The following STAG2 variants were observed in gnomAD, a reference collection of about 807,000 sequenced individuals.
The protein encoded by STAG2 is STAG2 cohesin complex component.
Under a neutral mutation model 108.1 loss-of-function variants are expected in STAG2, and 14 were observed. The ratio of observed to expected loss-of-function variants is 0.13; its 90% CI spans 0.09 to 0.20. STAG2 has a LOEUF of 0.20. Among genes scored for constraint, STAG2 ranks in the 10% least tolerant of loss-of-function variants. STAG2 has a pLI of 1.00. For synonymous variants in STAG2, 307 were observed against 302.7 expected (o/e 1.01, Z -0.15); for missense variants, 440 against 940.9 (o/e 0.47, Z 6.96).
intron 26 of STAG2, 74 bp from the exon 27 acceptor site, chrX:124,077,883 A>T: frequency 2.9e-6 from 2 of 680,918 alleles, no homozygotes; most frequent in Non-Finnish European, 4.3e-6. Context: ...TGTTTACATG[A>T]CTAACCTAAA....
In STAG2 at chrX:124,055,509, C is replaced by T. The variant is rs142841270; in HGVS notation, c.1197-619C>T. The stretch of plus-strand genomic sequence containing the variant: ...ATGGGCCTTAATGATGATGATTTAT[C>T]GAAAATATTTTGTTAGGCTTATTTT... On this transcript the variant is annotated intron_variant, in intron 13 of 34. Transcript: ENST00000371145. 7.7e-3 allele frequency among the ~76,000 whole-genome samples: 863 copies of T among 112,109 alleles called. 4 individuals carry two copies. The highest frequency in any genetic ancestry group is 9.4e-3 in the Non-Finnish European group (497 of 53,146).
chrX:124,050,867 AGATTTGTTCT>A (rs2058018917), intron 11 of STAG2, among the ~76,000 whole-genome samples: 1 of 111,829 alleles, frequency 8.9e-6, no homozygotes, highest in Admixed American at 9.6e-5. Flanking sequence ...TTTTCACAAT[AGATTTGTTCT>A]GAACAAATTT....
chrX:124,055,661 T>C (rs2058173780), intron 13 of STAG2, among the ~76,000 whole-genome samples: 1 of 99,830 alleles, frequency 1.0e-5, no homozygotes, highest in African/African-American at 3.8e-5. Flanking sequence ...TGCATTGCCT[T>C]ACATGGTGTT....
chrX:124,066,571 T>C, intron 23 of STAG2, 135 bp downstream of exon 23: 1 of 451,933 alleles, frequency 2.2e-6, no homozygotes, highest in East Asian at 3.8e-5. Context: ...TGTAGTTTGA[T>C]GTATATTCAG....
At chrX:124,067,002 C>T (rs1469568708) in intron 23 of STAG2, among the ~76,000 whole-genome samples, 1 of 111,359 alleles carries the variant, frequency 9.0e-6, no homozygotes, top group African/African-American at 3.3e-5. Context: ...AAACATTGTA[C>T]TTGTAGTGCT....
intron 15 of STAG2, among the ~76,000 whole-genome samples, chrX:124,060,585 A>G (rs1172148126): frequency 4.5e-5 from 5 of 112,308 alleles, no homozygotes; most frequent in Non-Finnish European, 1.9e-5. Flanking sequence ...TGACTAATAC[A>G]TTAGGTCCAA....
intron 5 of STAG2, among the ~76,000 whole-genome samples, chrX:124,035,777 G>A (rs1004834170): frequency 8.9e-6 from 1 of 112,133 alleles, no homozygotes; most frequent in Non-Finnish European, 1.9e-5. Flanking sequence ...GCTTCTTACA[G>A]TATGGCGTCT....
chrX:124,083,670 A>G (rs920455672), intron 29 of STAG2, 121 bp downstream of exon 29: 1 of 527,844 alleles, frequency 1.9e-6, no homozygotes, highest in Non-Finnish European at 2.8e-6. Context: ...AATACACAAA[A>G]AAGTTTATAC....
intron 24 of STAG2, among the ~76,000 whole-genome samples, chrX:124,070,576 A>T (rs1033063503): frequency 3.6e-5 from 4 of 112,304 alleles, no homozygotes; most frequent in African/African-American, 1.3e-4. Flanking sequence ...GTTCAGGTTT[A>T]CCTGATAAAT....
At chrX:123,986,325 C>T in intron 1 of STAG2, among the ~76,000 whole-genome samples, 1 of 110,163 alleles carries the variant, frequency 9.1e-6, no homozygotes, top group Non-Finnish European at 1.9e-5. Context: ...TTCCTTAGAT[C>T]AGTCCTGTGA....
intron 1 of STAG2, among the ~76,000 whole-genome samples, chrX:124,016,581 A>G (rs2056738273): frequency 8.9e-6 from 1 of 111,898 alleles, no homozygotes; most frequent in Admixed American, 9.5e-5. Context: ...AGAAGCTTTA[A>G]AAATCCTATT....
At chrX:123,967,863 C>T (rs991448139) in intron 1 of STAG2, among the ~76,000 whole-genome samples, 2 of 109,514 alleles carry the variant, frequency 1.8e-5, no homozygotes, top group Admixed American at 9.8e-5. Flanking sequence ...AAATAGTACA[C>T]CTCTATAGGG....
At chrX:124,078,642 T>G (rs1465551187) in intron 27 of STAG2, among the ~76,000 whole-genome samples, 1 of 111,336 alleles carries the variant, frequency 9.0e-6, no homozygotes, top group African/African-American at 3.3e-5. Context: ...CCAAACTTAT[T>G]TTTGTGAGCA....
chrX:123,983,159 A>G (rs1366356135), intron 1 of STAG2, among the ~76,000 whole-genome samples: 1 of 111,300 alleles, frequency 9.0e-6, no homozygotes, highest in African/African-American at 3.3e-5. Context: ...AATGTGACTG[A>G]CAAACTTAAG....
At chrX:123,991,562 A>G (rs892089025) in intron 1 of STAG2, among the ~76,000 whole-genome samples, 1 of 111,190 alleles carries the variant, frequency 9.0e-6, no homozygotes, top group Non-Finnish European at 1.9e-5. Flanking sequence ...CATGTTGGCA[A>G]GGCTGGTCTT....
intron 1 of STAG2, among the ~76,000 whole-genome samples, chrX:124,014,660 C>G (rs1270519844): frequency 9.0e-6 from 1 of 111,577 alleles, no homozygotes; most frequent in Non-Finnish European, 1.9e-5. Flanking sequence ...TGCACCCGGC[C>G]TGTCCTTTAT....
At chrX:124,040,471 T>C (rs776256477) in intron 6 of STAG2, among the ~76,000 whole-genome samples, 10 of 110,791 alleles carry the variant, frequency 9.0e-5, no homozygotes, top group Non-Finnish European at 1.7e-4. Flanking sequence ...TCTGGCCTTA[T>C]GTCCTAATGG....
chrX:124,091,913 C>A (rs2059259612), intron 32 of STAG2, among the ~76,000 whole-genome samples: 1 of 112,336 alleles, frequency 8.9e-6, no homozygotes, highest in Non-Finnish European at 1.9e-5. Context: ...CTAAAATCTT[C>A]ATTAGCTTTG....
At chrX:124,074,295 A>G (rs1315967178) in intron 25 of STAG2, among the ~76,000 whole-genome samples, 2 of 112,589 alleles carry the variant, frequency 1.8e-5, no homozygotes, top group African/African-American at 6.5e-5. Context: ...CTAACTGCTG[A>G]ATATTATATG....
Sources: allele counts gnomAD v4.1 joint callset (sites outside exome capture counted in the v4.1 genomes callset), GRCh38; gene constraint gnomAD v4.1.1; transcripts MANE v1.5; gene names NCBI Gene and HGNC (gene_info 2026-07-23, HGNC 2026-07-21).